Variants in HTATSF1 observed in about 807,000 individuals in gnomAD.
HTATSF1 encodes 17S U2 SnRNP complex component HTATSF1.
A neutral mutation model predicts 46.1 loss-of-function variants in HTATSF1; 6 were observed. The observed-to-expected ratio is 0.13, with a 90% CI of 0.07 to 0.26. HTATSF1 has a LOEUF of 0.26. HTATSF1 is among the 10% of genes least tolerant of loss of function. The probability of loss-of-function intolerance (pLI) is 1.00; values close to 1 mark genes in which losing one functional copy is unlikely to be tolerated. For missense variants in HTATSF1, 452 were observed against 559.9 expected, an observed-to-expected ratio of 0.81 and a Z score of 1.94; for synonymous variants, 226 against 211.5, an observed-to-expected ratio of 1.07 and a Z score of -0.60.
rs777927493 is a variant in HTATSF1, at chrX:136,500,674, A to G, written c.426A>G (p.Pro142=). ...NTNVYVSGLP[P]DITVDEFIQL... is the part of the protein sequence containing the mutation. ...TTTCTTAAATGACAGGTTTGCCTCC[A>G]GATATTACAGTGGATGAATTTATAC... Residue 142 remains proline (P), a synonymous_variant, in exon 4 of 9, where the codon CCA becomes CCG. Coordinates refer to ENST00000218364, the MANE Select transcript of HTATSF1 (RefSeq NM_014500.5). 1 of 1,133,071 alleles carries G rather than the reference A, an allele frequency of 8.8e-7. No individual in the cohort carries two copies. The highest frequency in any genetic ancestry group is 3.1e-5 in the Admixed American group (1 of 31,974). 93.4% of individuals were successfully genotyped at this position (1,133,071 alleles called of 1,213,427 possible).
intron 4 of HTATSF1, among the ~76,000 whole-genome samples, chrX:136,501,145 G>A (rs2075716364): frequency 8.9e-6 from 1 of 112,343 alleles, no homozygotes; most frequent in South Asian, 3.6e-4. Flanking sequence ...AAAAAAGCCA[G>A]TAACATTTTA....
rs2075765730 is a variant in HTATSF1 at position 136,511,198 on chromosome X, T to A, written c.1453T>A (p.Ser485Thr). 8.3e-7 allele frequency: 1 copy of A among 1,203,821 alleles called. No individual in the cohort carries two copies. The highest frequency in any genetic ancestry group is 1.8e-5 in the African/African-American group (1 of 56,161). Residue 485 changes from serine (S) to threonine (T), a missense_variant, in exon 9 of 9, where the codon TCT becomes ACT. This residue lies in a region of HTATSF1 where 246 missense variants were observed against 245.3 expected (regional missense o/e 1.00). Transcript: ENST00000218364. The part of the protein sequence containing the change: ...GFEGSCSQKE[S>T]EEGNPVRGSE... ...TGAAGGCAGCTGCTCCCAAAAAGAG[T>A]CTGAAGAAGGCAATCCCGTAAGAGG... is the stretch of plus-strand genomic sequence containing the variant.
At chrX:136,500,104 A>G in intron 2 of HTATSF1, 54 bp from the exon 3 acceptor site, 1 of 782,602 alleles carries the variant, frequency 1.3e-6, no homozygotes, top group East Asian at 3.2e-5. Context: ...CCATAATATG[A>G]CTCTTATCTT....
chrX:136,510,022 G>A (rs1479687743), intron 7 of HTATSF1, 60 bp from the exon 8 acceptor site: 1 of 1,061,666 alleles, frequency 9.4e-7, no homozygotes, highest in African/African-American at 1.9e-5. Context: ...TTTGTGAAAT[G>A]TATGTGTTTT....
intron 6 of HTATSF1, among the ~76,000 whole-genome samples, chrX:136,508,106 G>C (rs1266336354): frequency 8.9e-6 from 1 of 112,085 alleles, no homozygotes; most frequent in Non-Finnish European, 1.9e-5. Flanking sequence ...GTAACTCCCT[G>C]CCAGCTTATT....
Position 136,499,705 on chromosome X carries a change from G to C in HTATSF1, c.294G>C (p.Glu98Asp). The C allele has an allele frequency of 8.3e-7, 1 of 1,201,001 alleles. No individual in the cohort carries two copies. The highest frequency in any genetic ancestry group is 3.0e-5 in the East Asian group (1 of 33,537). ...NVEDVHARTA[E>D]EPPQEKAPEP... ...AAGATGTCCATGCTAGGACTGCAGA[G>C]GAACCTCCACAAGAAAAAGCCCCGG... Residue 98 changes from glutamate to aspartate, a missense_variant, in exon 2 of 9, where the codon GAG becomes GAC. Glu to Asp is a conservative substitution (Grantham distance 45). Around this residue, in one of 3 missense-constraint regions of HTATSF1, gnomAD observed 89 missense variants for 92.3 expected, o/e 0.96. Coordinates refer to ENST00000218364, the MANE Select transcript of HTATSF1 (RefSeq NM_014500.5).
intron 8 of HTATSF1, 50 bp downstream of exon 8, chrX:136,510,269 A>C: frequency 1.8e-6 from 2 of 1,117,419 alleles, no homozygotes; most frequent in Non-Finnish European, 2.4e-6. Flanking sequence ...ATTACCAACA[A>C]ATACTGATCC....
At chrX:136,510,378 T>C (rs1300436105) in intron 8 of HTATSF1, among the ~76,000 whole-genome samples, 159 bp downstream of exon 8, 9 of 113,004 alleles carry the variant, frequency 8.0e-5, no homozygotes, top group Non-Finnish European at 1.5e-4. Flanking sequence ...CTCTTCCTCT[T>C]AATTATTTAC....
At chrX:136,498,490 T>A (rs2148519504) in intron 1 of HTATSF1, among the ~76,000 whole-genome samples, 1 of 112,492 alleles carries the variant, frequency 8.9e-6, no homozygotes, top group South Asian at 3.7e-4. Context: ...GTAAAATAAC[T>A]AATGTTAAAC....
intron 6 of HTATSF1, among the ~76,000 whole-genome samples, chrX:136,508,644 C>T (rs1184177328): frequency 8.9e-6 from 1 of 112,577 alleles, no homozygotes; most frequent in African/African-American, 3.2e-5. Context: ...AATCTTAGGA[C>T]ACTTAGTCAA....
chrX:136,500,576 TAA>T (rs2075713628), intron 3 of HTATSF1, 86 bp from the exon 4 acceptor site: 2 of 602,831 alleles, frequency 3.3e-6, no homozygotes, highest in Admixed American at 3.8e-5. Flanking sequence ...TGCATTCACC[TAA>T]GTTATAGATT....
intron 7 of HTATSF1, among the ~76,000 whole-genome samples, chrX:136,509,429 G>T (rs1670274926): frequency 9.0e-6 from 1 of 111,536 alleles, no homozygotes; most frequent in Admixed American, 9.5e-5. Flanking sequence ...GGTGAAAGAA[G>T]GTACAGGAAA....
chrX:136,505,485 C>G (rs969402041), intron 6 of HTATSF1, among the ~76,000 whole-genome samples: 2 of 112,055 alleles, frequency 1.8e-5, no homozygotes, highest in African/African-American at 6.5e-5. Context: ...TCTCTTCTGA[C>G]TAGAAATCTG....
Position 136,512,045 on chromosome X carries a change from C to A in HTATSF1, c.*32C>A. The A allele has an allele frequency of 8.6e-7, 1 of 1,163,724 alleles. No homozygotes were observed. Among genetic ancestry groups the A allele is most frequent in the Non-Finnish European group, 1.1e-6 (1 of 869,907 alleles). On this transcript the variant is annotated 3_prime_UTR_variant, in exon 9 of 9. Coordinates refer to ENST00000218364, the MANE Select transcript of HTATSF1 (RefSeq NM_014500.5). Reference sequence around the variant, plus strand: ...AAACTTGCTTTTTAGGGAGAGTCCTCCATCTACATTTGCCTGTGCTTCAGG... The same window carrying A: ...AAACTTGCTTTTTAGGGAGAGTCCTACATCTACATTTGCCTGTGCTTCAGG...
intron 4 of HTATSF1, among the ~76,000 whole-genome samples, chrX:136,502,179 A>AG (rs745988194): frequency 8.9e-6 from 1 of 111,984 alleles, no homozygotes; most frequent in African/African-American, 3.2e-5. Flanking sequence ...ACAAGTCATC[A>AG]GATAATTGTC....
chrX:136,511,881 T>A lies in HTATSF1; in HGVS notation c.2136T>A (p.Asp712Glu). ...SNEKLFDEEE[D>E]SSEKLFDDSD... ...AGAAGTTGTTTGATGAGGAGGAAGATTCCAGTGAGAAGTTGTTTGACGATT... is the reference window on the plus strand; with the variant it reads ...AGAAGTTGTTTGATGAGGAGGAAGAATCCAGTGAGAAGTTGTTTGACGATT... The change falls in exon 9 of 9, where the codon GAT becomes GAA. Residue 712 changes from aspartate to glutamate, a missense_variant. This residue lies in a region of HTATSF1 where 246 missense variants were observed against 245.3 expected (regional missense o/e 1.00). Transcript: ENST00000218364. 8.3e-7 allele frequency: 1 copy of A among 1,211,724 alleles called. No individual in the cohort carries two copies. The highest frequency in any genetic ancestry group is 1.1e-6 in the Non-Finnish European group (1 of 895,467).
At chrX:136,508,998 C>T in intron 6 of HTATSF1, 93 bp from the exon 7 acceptor site, 2 of 637,743 alleles carry the variant, frequency 3.1e-6, no homozygotes, top group Admixed American at 2.9e-5. Context: ...AAACCTTTTT[C>T]TGTTTGTTGA....
Position 136,511,595 on chromosome X carries a change from AGAG to A in HTATSF1, c.1851_1853del (p.Arg618del). 8.3e-7 allele frequency: 1 copy of A among 1,211,301 alleles called. No homozygotes were observed. The highest frequency in any genetic ancestry group is 1.1e-6 in the Non-Finnish European group (1 of 895,046). On this transcript the variant is annotated inframe_deletion, in exon 9 of 9. Transcript: ENST00000218364. ...AAAGTGTTAGATGAGGAAGGCTCTG[AGAG>A]AGAGTTTGACGAAGATTCAGATGAA...
intron 1 of HTATSF1, 140 bp from the exon 2 acceptor site, chrX:136,499,458 C>G (rs757947991): frequency 8.6e-5 from 36 of 417,570 alleles, no homozygotes; most frequent in Admixed American, 7.8e-4. Context: ...GCATTTATAC[C>G]TTAATAACTA....
Sources: gnomAD v4.1 joint callset for allele counts (sites outside exome capture counted in the v4.1 genomes callset) on GRCh38, gnomAD v4.1.1 for gene constraint, gnomAD v4.1.1 regional missense constraint, MANE v1.5 for transcripts, NCBI Gene and HGNC (gene_info 2026-07-23, HGNC 2026-07-21) for gene names.